Variants in TRRAP observed in about 807,000 individuals in gnomAD.
TRRAP encodes transformation/transcription domain-associated protein.
TRRAP carries 41 observed loss-of-function variants against 438.8 expected under a neutral mutation model. The ratio of observed to expected loss-of-function variants is 0.09; its 90% confidence interval spans 0.07 to 0.12. TRRAP has a LOEUF of 0.12. Among genes scored for constraint, TRRAP ranks in the 10% least tolerant of loss-of-function variants. The pLI is 1.00. For synonymous variants in TRRAP, 1,994 were observed against 1,962.9 expected (o/e 1.02, Z -0.42); for missense variants, 3,122 against 5,055.1 (o/e 0.62, Z 11.60).
chr7:98,911,924 A>C, intron 17 of TRRAP, 98 bp from the exon 18 acceptor site: 1 of 1,104,868 alleles, frequency 9.1e-7, no homozygotes, highest in Admixed American at 2.3e-5. Flanking sequence ...AATGTGTGAT[A>C]CAGGCTTGGT....
chr7:98,884,854 GTCA>G (rs1795620125), intron 3 of TRRAP, among the ~76,000 whole-genome samples: 1 of 152,134 alleles, frequency 6.6e-6, no homozygotes, highest in African/African-American at 2.4e-5. Flanking sequence ...TCTCCTGGGA[GTCA>G]TGCTCCGGTA....
chr7:98,926,831 T>C (rs1184194110), intron 22 of TRRAP, among the ~76,000 whole-genome samples: 8 of 151,038 alleles, frequency 5.3e-5, no homozygotes, highest in African/African-American at 1.7e-4. Flanking sequence ...GCCTGGCCAA[T>C]ATGGTGAAGT....
rs1329614251 is a variant in TRRAP, at chr7:98,976,704, T to C, written c.8181T>C (p.Ser2727=). The C allele has an allele frequency of 1.2e-6, 2 of 1,613,974 alleles. No individual in the cohort carries two copies. The highest frequency in any genetic ancestry group is 1.7e-6 in the Non-Finnish European group (2 of 1,180,044). Residue 2727 remains serine (S), a synonymous_variant, in exon 55 of 73, where the codon AGT becomes AGC. Transcript: ENST00000456197. This position sits in a 1 kb window ranked among gnomAD's most constrained non-coding sequence, Gnocchi z 4.6. ...ACCAGGCTTTTGAAAAGGGTCTGAG[T>C]CTTCAGATTAAGCCGAAGCAAACAA... ...LEHQAFEKGL[S]LQIKPKQTTE...
chr7:98,998,285 A>C (rs1562978205), intron 67 of TRRAP, among the ~76,000 whole-genome samples: 2 of 152,218 alleles, frequency 1.3e-5, no homozygotes, highest in Non-Finnish European at 2.9e-5. Context: ...AGCTTTGAGC[A>C]CATTATAATA....
At chr7:98,878,981 G>T (rs1232559970) in intron 1 of TRRAP, among the ~76,000 whole-genome samples, 1 of 152,120 alleles carries the variant, frequency 6.6e-6, no homozygotes, top group Non-Finnish European at 1.5e-5. Flanking sequence ...CGGGTGGGAC[G>T]TTGGGGGCCT....
intron 62 of TRRAP, among the ~76,000 whole-genome samples, chr7:98,987,452 A>C (rs1250309749): frequency 1.3e-5 from 2 of 152,158 alleles, no homozygotes; most frequent in African/African-American, 4.8e-5. Context: ...TTTATTCCTC[A>C]ATATTGTCAC....
At chr7:98,955,859 C>G (rs1399737943) in intron 41 of TRRAP, among the ~76,000 whole-genome samples, 1 of 152,070 alleles carries the variant, frequency 6.6e-6, no homozygotes, top group African/African-American at 2.4e-5. Flanking sequence ...ATTAGACTCA[C>G]CTTCCTGTCT....
At chr7:98,919,594 C>G (rs1010115409) in intron 20 of TRRAP, among the ~76,000 whole-genome samples, 9 of 152,100 alleles carry the variant, frequency 5.9e-5, no homozygotes, top group African/African-American at 2.2e-4. Flanking sequence ...AGAACAAGAC[C>G]CTGTTTCAAA....
At chr7:98,998,248 A>G (rs1351226485) in intron 67 of TRRAP, among the ~76,000 whole-genome samples, 2 of 152,150 alleles carry the variant, frequency 1.3e-5, no homozygotes, top group Non-Finnish European at 2.9e-5. Flanking sequence ...GGGGAAGAAA[A>G]TAAATATTTA....
At position 98,993,596 on chromosome 7, in the gene TRRAP, A is replaced by C; in HGVS notation, c.9906A>C (p.Pro3302=). The change falls in exon 66 of 73, where the codon CCA becomes CCC. Residue 3302 remains proline (P), a synonymous_variant. Coordinates refer to ENST00000456197, the MANE Select transcript of TRRAP (RefSeq NM_001375524.1). ...VGNQSHSASD[P]GPIRATAPMW... is the part of the protein sequence containing the mutation. ...ACCAGTCCCATTCTGCATCAGATCC[A>C]GGGCCCATAAGAGCAACAGCACCCA... 1 of 1,614,104 alleles carries C rather than the reference A, an allele frequency of 6.2e-7. No individual in the cohort carries two copies. Among genetic ancestry groups the C allele is most frequent in the Non-Finnish European group, 8.5e-7 (1 of 1,180,042 alleles).
At chr7:98,953,662 G>A (rs1173003064) in intron 40 of TRRAP, among the ~76,000 whole-genome samples, 4 of 152,174 alleles carry the variant, frequency 2.6e-5, no homozygotes, top group African/African-American at 9.7e-5. Flanking sequence ...GGTGGGGAGC[G>A]AGTATTGAAT....
intron 20 of TRRAP, among the ~76,000 whole-genome samples, chr7:98,918,030 G>A (rs77236332): frequency 6.6e-6 from 1 of 151,854 alleles, no homozygotes; most frequent in South Asian, 2.1e-4. Context: ...TGAGGCAGGG[G>A]GATCACCTGA....
chr7:98,911,629 G>A (rs1178249194), intron 17 of TRRAP, among the ~76,000 whole-genome samples: 1 of 152,090 alleles, frequency 6.6e-6, no homozygotes, highest in Non-Finnish European at 1.5e-5. Context: ...AGCTGGGTGT[G>A]GTGGCACACA....
At chr7:98,981,248 A>G (rs1303331058) in intron 58 of TRRAP, among the ~76,000 whole-genome samples, 1 of 151,972 alleles carries the variant, frequency 6.6e-6, no homozygotes, top group African/African-American at 2.4e-5. Flanking sequence ...TAAAAACACA[A>G]GAAATTATCT....
intron 63 of TRRAP, 124 bp from the exon 64 acceptor site, chr7:98,990,331 T>C: frequency 1.0e-6 from 1 of 957,100 alleles, no homozygotes; most frequent in Non-Finnish European, 1.5e-6. Context: ...GGCCTGCTTA[T>C]AGATACTTTT....
At chr7:98,934,551 A>G (rs11981692) in intron 27 of TRRAP, among the ~76,000 whole-genome samples, 1,795 of 152,328 alleles carry the variant, frequency 0.012, 28 homozygotes, top group African/African-American at 0.039. Context: ...TATTGAGGGC[A>G]TGAAACTGGT....
chr7:98,910,042 T>G lies in TRRAP; in HGVS notation c.1351-14T>G. 2 of 1,535,444 alleles carry G rather than the reference T, an allele frequency of 1.3e-6. No individual in the cohort carries two copies. The highest frequency in any genetic ancestry group is 1.8e-6 in the Non-Finnish European group (2 of 1,140,256). On this transcript the variant is annotated splice_polypyrimidine_tract_variant and intron_variant, in intron 14 of 72. Transcript: ENST00000456197. The stretch of plus-strand genomic sequence containing the variant: ...ATAATTCTGTCTTCCCTCTTGAATT[T>G]CTCTTCCCGTTAGGTTTTCGTTCTC...
chr7:98,965,588 T>C (rs1434459486), intron 48 of TRRAP, 108 bp from the exon 49 acceptor site: 8 of 1,463,900 alleles, frequency 5.5e-6, no homozygotes, highest in African/African-American at 2.8e-5. Flanking sequence ...GGAAAAAACA[T>C]TGAGGGGGAA....
intron 52 of TRRAP, among the ~76,000 whole-genome samples, chr7:98,971,589 T>A (rs2116709922): frequency 6.6e-6 from 1 of 152,354 alleles, no homozygotes; most frequent in Middle Eastern, 3.4e-3. Context: ...GGTGGCTTCT[T>A]TATAGTCATT....
Sources: allele counts gnomAD v4.1 joint callset (sites outside exome capture counted in the v4.1 genomes callset), GRCh38; gene constraint gnomAD v4.1.1; non-coding constraint Gnocchi (gnomAD v3.1); transcripts MANE v1.5; gene names NCBI Gene and HGNC (gene_info 2026-07-23, HGNC 2026-07-21).